NEDD4L: variants seen among roughly 807,000 people sequenced by gnomAD.
The protein encoded by NEDD4L is NEDD4 like E3 ubiquitin protein ligase.
In NEDD4L, 54 loss-of-function variants were observed where a neutral mutation model predicts 148.9. The ratio of observed to expected loss-of-function variants is 0.36; its 90% CI spans 0.29 to 0.45. The LOEUF is 0.45. Among genes scored for constraint, NEDD4L ranks in the 20% least tolerant of loss-of-function variants. NEDD4L has a pLI of 1.00. For missense variants in NEDD4L, 856 were observed against 1,233.8 expected (o/e 0.69, Z 4.59); for synonymous variants, 433 against 440.7 (o/e 0.98, Z 0.22).
chr18:58,220,634 G>A (rs7506383), intron 2 of NEDD4L, among the ~76,000 whole-genome samples: 16,681 of 152,120 alleles, frequency 0.11, 2,876 homozygotes, highest in African/African-American at 0.37. Flanking sequence ...GGAACACTTC[G>A]CGAGTGAGCA....
chr18:58,341,631 C>G (rs1405058891), intron 14 of NEDD4L, 47 bp from the exon 15 acceptor site: 4 of 1,583,498 alleles, frequency 2.5e-6, no homozygotes, highest in Non-Finnish European at 3.4e-6. Flanking sequence ...ATCACACACA[C>G]CGGGAGATCC....
rs17064946 is a variant in NEDD4L at position 58,385,981 on chromosome 18, C to T, written c.2487+395C>T. ...GAGGGCTCAGAGCTGAATGATGAAG[C>T]GCAGTCCCCAAAGTGCCTGGCCACC... On this transcript the variant is annotated intron_variant, in intron 26 of 30. Coordinates refer to ENST00000400345, the MANE Select transcript of NEDD4L (RefSeq NM_001144967.3). Among the ~76,000 whole-genome samples the T allele has an allele frequency of 8.0e-3, 1,218 of 152,080 alleles. 14 individuals are homozygous for T. The highest frequency in any genetic ancestry group is 0.028 in the African/African-American group (1,152 of 41,460).
rs762200529 is a variant in NEDD4L, at chr18:58,391,545, C to G, written c.2811C>G (p.Pro937=). 10 of 1,574,536 alleles carry G rather than the reference C, an allele frequency of 6.4e-6. No homozygotes were observed. The highest frequency in any genetic ancestry group is 8.6e-6 in the Non-Finnish European group (10 of 1,158,676). Residue 937 remains proline (P), a synonymous_variant, in exon 30 of 31, where the codon CCC becomes CCG. Transcript: ENST00000400345. ...IEQWGSPEKL[P]RAHTCFNRLD... ...AATGGGGCAGTCCTGAGAAACTGCC[C>G]AGAGCTCACACATGGTGAGTGACAA...
chr18:58,151,424 C>G (rs974244762), intron 1 of NEDD4L, among the ~76,000 whole-genome samples: 1 of 152,058 alleles, frequency 6.6e-6, no homozygotes, highest in African/African-American at 2.4e-5. Context: ...TGGATGTTTC[C>G]TGCATTATGG....
At chr18:58,115,816 G>A (rs908917048) in intron 1 of NEDD4L, among the ~76,000 whole-genome samples, 1 of 152,100 alleles carries the variant, frequency 6.6e-6, no homozygotes, top group Admixed American at 6.5e-5. Flanking sequence ...TCACCTTTTG[G>A]GCAAACTTGA....
chr18:58,150,485 C>T (rs1418036599), intron 1 of NEDD4L, among the ~76,000 whole-genome samples: 2 of 152,224 alleles, frequency 1.3e-5, no homozygotes, highest in Non-Finnish European at 2.9e-5. Context: ...CTTGGCCTCC[C>T]AAAGTGCTGG....
chr18:58,188,813 T>G (rs1421336153), intron 2 of NEDD4L, among the ~76,000 whole-genome samples: 1 of 152,238 alleles, frequency 6.6e-6, no homozygotes, highest in Non-Finnish European at 1.5e-5. Flanking sequence ...GTCTTGAAAG[T>G]GGGTTAATTC....
Position 58,044,632 on chromosome 18 carries a change from C to T in NEDD4L, c.-29C>T, listed in dbSNP as rs565938747. On this transcript the variant is annotated 5_prime_UTR_variant, in exon 1 of 31. Transcript: ENST00000400345. ...CGCCGCAGCACAGCCGCTGGGAGCG[C>T]CTCAGACCCCGCGCGGGGCGCCGGC... The T allele has an allele frequency of 8.8e-6, 14 of 1,592,680 alleles. No homozygotes were observed. The highest frequency in any genetic ancestry group is 6.8e-5 in the South Asian group (6 of 88,510).
chr18:58,306,685 G>A (rs1243982616), intron 5 of NEDD4L, among the ~76,000 whole-genome samples: 2 of 151,866 alleles, frequency 1.3e-5, no homozygotes, highest in African/African-American at 4.8e-5. Flanking sequence ...GAGTGCAATG[G>A]TGCAATCTCA....
chr18:58,136,780 C>CT lies in NEDD4L; in HGVS notation c.49-29001dup, dbSNP rs769711939. On this transcript the variant is annotated intron_variant, in intron 1 of 30. Coordinates refer to ENST00000400345, the MANE Select transcript of NEDD4L (RefSeq NM_001144967.3). ...GTTCTGGAACTTTCTTTTGGGTACTCTTTTTTTGTTTCATCGATTCCTTTA... is the reference window on the plus strand; with the variant it reads ...GTTCTGGAACTTTCTTTTGGGTACTCTTTTTTTTGTTTCATCGATTCCTTTA... Among the ~76,000 whole-genome samples the CT allele has an allele frequency of 1.1e-4, 17 of 152,236 alleles. No homozygotes were observed. The East Asian group carries it at 1.4e-3, about 12-fold the overall frequency.
chr18:58,069,207 T>C (rs537763934), intron 1 of NEDD4L, among the ~76,000 whole-genome samples: 1 of 151,808 alleles, frequency 6.6e-6, no homozygotes, highest in Admixed American at 6.6e-5. Flanking sequence ...TATACCCTCT[T>C]CTCTTGAATA....
At chr18:58,159,809 A>G (rs903638878) in intron 1 of NEDD4L, among the ~76,000 whole-genome samples, 2 of 152,232 alleles carry the variant, frequency 1.3e-5, no homozygotes, top group Non-Finnish European at 2.9e-5. Flanking sequence ...TGTGATGGGT[A>G]ATAGCTAGAA....
chr18:58,292,978 G>A (rs1403718971), intron 5 of NEDD4L, among the ~76,000 whole-genome samples: 2 of 152,212 alleles, frequency 1.3e-5, no homozygotes, highest in Non-Finnish European at 2.9e-5. Context: ...GTTACTGACA[G>A]CCCAAAATAC....
At chr18:58,088,158 C>T (rs1041922540) in intron 1 of NEDD4L, among the ~76,000 whole-genome samples, 1 of 152,192 alleles carries the variant, frequency 6.6e-6, no homozygotes, top group Non-Finnish European at 1.5e-5. Flanking sequence ...AGCTGACTTC[C>T]CTCAGGACAC....
intron 1 of NEDD4L, among the ~76,000 whole-genome samples, chr18:58,083,600 A>G (rs2083581889): frequency 6.6e-6 from 1 of 152,170 alleles, no homozygotes; most frequent in Non-Finnish European, 1.5e-5. Flanking sequence ...AGGCAGGAGA[A>G]TGGCATGAAC....
At chr18:58,258,579 A>G (rs1448113330) in intron 5 of NEDD4L, among the ~76,000 whole-genome samples, 1 of 152,228 alleles carries the variant, frequency 6.6e-6, no homozygotes, top group East Asian at 1.9e-4. Flanking sequence ...TGCAAGGCCT[A>G]TGTAGTGAAA....
intron 2 of NEDD4L, among the ~76,000 whole-genome samples, chr18:58,199,774 C>T (rs1158038991): frequency 6.6e-6 from 1 of 152,140 alleles, no homozygotes; most frequent in African/African-American, 2.4e-5. Flanking sequence ...TAGCTTTCCT[C>T]TGGTTGAATT....
intron 1 of NEDD4L, among the ~76,000 whole-genome samples, chr18:58,073,283 A>G (rs1337654689): frequency 6.6e-6 from 1 of 152,178 alleles, no homozygotes; most frequent in Non-Finnish European, 1.5e-5. Flanking sequence ...GGGACCCAGA[A>G]TAACCAAAAC....
intron 9 of NEDD4L, among the ~76,000 whole-genome samples, chr18:58,325,809 CT>C (rs1242067198): frequency 1.3e-5 from 2 of 152,172 alleles, no homozygotes. Context: ...CTGGTTAAAA[CT>C]CATGGACTTT....
Sources: allele counts gnomAD v4.1 joint callset (sites outside exome capture counted in the v4.1 genomes callset), GRCh38; gene constraint gnomAD v4.1.1; transcripts MANE v1.5; gene names NCBI Gene and HGNC (gene_info 2026-07-23, HGNC 2026-07-21).